Variants in KNL1 observed in about 807,000 individuals in gnomAD.
KNL1 encodes outer kinetochore KNL1 complex subunit KNL1.
In KNL1, 66 loss-of-function variants were observed where a neutral mutation model predicts 201.3. The ratio of observed to expected loss-of-function variants is 0.33; its 90% CI spans 0.27 to 0.40. The LOEUF (loss-of-function observed/expected upper bound fraction) is 0.40. KNL1 is among the 10% of genes least tolerant of loss of function. The probability of loss-of-function intolerance (pLI) is 1.00; values close to 1 mark genes in which losing one functional copy is unlikely to be tolerated. For missense variants in KNL1, 2,815 were observed against 2,690.5 expected (o/e 1.05, Z -1.02); for synonymous variants, 895 against 899.2 (o/e 1.00, Z 0.08).
chr15:40,621,404 A>T lies in KNL1; in HGVS notation c.1140A>T (p.Ala380=). 6.2e-7 allele frequency: 1 copy of T among 1,612,646 alleles called. No homozygotes were observed. Among genetic ancestry groups the T allele is most frequent in the Non-Finnish European group, 8.5e-7 (1 of 1,179,286 alleles). Residue 380 remains alanine, a synonymous_variant, in exon 10 of 26, where the codon GCA becomes GCT. Coordinates refer to ENST00000399668, the MANE Select transcript of KNL1 (RefSeq NM_144508.5). ...TTCAAGACCTTTCCATAAACTCTGC[A>T]GACAAAATACATATTACCAGAAGTC... ...TAFQDLSINS[A]DKIHITRSHI...
Position 40,623,185 on chromosome 15 carries a change from A to T in KNL1, c.2921A>T (p.Asn974Ile). 6.2e-7 allele frequency: 1 copy of T among 1,614,010 alleles called. No individual in the cohort carries two copies. Among genetic ancestry groups the T allele is most frequent in the Non-Finnish European group, 8.5e-7 (1 of 1,179,912 alleles). Reference sequence around the variant, plus strand: ...GAAAAGGAAAGAACAGACAGACCTAACTTTGAACTATCCCAAAGGAAAAGC... The same window carrying T: ...GAAAAGGAAAGAACAGACAGACCTATCTTTGAACTATCCCAAAGGAAAAGC... ...YQEKERTDRP[N>I]FELSQRKSLG... The change falls in exon 10 of 26, where the codon AAC becomes ATC. Residue 974 changes from asparagine (N) to isoleucine (I), a missense_variant. By Grantham distance (149) the Asn-to-Ile change is moderately radical (BLOSUM62 -3). This residue lies in a region of KNL1 where 2,464 missense variants were observed against 2,291.7 expected (regional missense o/e 1.08). Transcript: ENST00000399668.
chr15:40,609,274 G>A (rs1892079282), intron 5 of KNL1, among the ~76,000 whole-genome samples: 1 of 151,670 alleles, frequency 6.6e-6, no homozygotes, highest in Non-Finnish European at 1.5e-5. Flanking sequence ...AATTAGCTAG[G>A]CATGATACCC....
chr15:40,624,780 G>T lies in KNL1; in HGVS notation c.4516G>T (p.Glu1506Ter), dbSNP rs1440387879. 1 of 1,613,546 alleles carries T rather than the reference G, an allele frequency of 6.2e-7. No individual in the cohort carries two copies. The highest frequency in any genetic ancestry group is 8.5e-7 in the Non-Finnish European group (1 of 1,179,890). The change falls in exon 10 of 26, where the codon GAA becomes TAA. Residue 1506 changes from glutamate to a stop codon, truncating the protein, a stop_gained. Transcript: ENST00000399668. LOFTEE classifies it high-confidence loss of function. ...ATGGTTTGCTGCAGCCTGTAAAAAA[G>T]AACTGAAGGAAAATATTCAAACAAC... ...EEWFAAACKK[E>*]LKENIQTTNY...
chr15:40,656,994 T>C, intron 22 of KNL1, 48 bp from the exon 23 acceptor site: 1 of 809,604 alleles, frequency 1.2e-6, no homozygotes, highest in Non-Finnish European at 2.0e-6. Flanking sequence ...ATAAAATATA[T>C]GAATCATAAG....
At chr15:40,654,854 G>C (rs1350680804) in intron 21 of KNL1, 55 bp from the exon 22 acceptor site, 4 of 1,348,276 alleles carry the variant, frequency 3.0e-6, no homozygotes, top group Non-Finnish European at 3.2e-6. Context: ...GGGAGACAAA[G>C]TGAGACTCTC....
At chr15:40,638,700 C>T (rs1251009270) in intron 13 of KNL1, among the ~76,000 whole-genome samples, 1 of 152,172 alleles carries the variant, frequency 6.6e-6, no homozygotes, top group East Asian at 1.9e-4. Flanking sequence ...TCCAGGTGGG[C>T]CAGGCTTGTC....
At chr15:40,651,295 T>TAA (rs869083504) in intron 19 of KNL1, among the ~76,000 whole-genome samples, 176 bp from the exon 20 acceptor site, 6 of 22,652 alleles carry the variant, frequency 2.6e-4, no homozygotes, top group Admixed American at 5.9e-4. Flanking sequence ...AATGCTTATA[T>TAA]AAAAAAAAAA....
chr15:40,608,433 G>GAAA (rs1240921260), intron 4 of KNL1, among the ~76,000 whole-genome samples: 1 of 80,966 alleles, frequency 1.2e-5, no homozygotes. Context: ...AACCGTCTTG[G>GAAA]AAAAAAAAAA....
intron 10 of KNL1, among the ~76,000 whole-genome samples, chr15:40,627,182 A>G (rs564044091): frequency 6.6e-5 from 10 of 152,264 alleles, no homozygotes; most frequent in Non-Finnish European, 1.5e-4. Context: ...GGCGTGAGCC[A>G]CAGCGCCCAG....
At chr15:40,611,409 C>A in intron 6 of KNL1, 69 bp from the exon 7 acceptor site, 1 of 180,730 alleles carries the variant, frequency 5.5e-6, no homozygotes, top group South Asian at 1.8e-4. Flanking sequence ...GCCCAGCTGT[C>A]CTTAAGTAAT....
chr15:40,612,370 T>C (rs1892196794), intron 7 of KNL1, among the ~76,000 whole-genome samples: 1 of 150,760 alleles, frequency 6.6e-6, no homozygotes, highest in South Asian at 2.1e-4. Flanking sequence ...ACTGTGCCTG[T>C]AATCCCAGCT....
chr15:40,630,194 C>T (rs1001434360), intron 13 of KNL1, among the ~76,000 whole-genome samples: 1 of 152,162 alleles, frequency 6.6e-6, no homozygotes, highest in African/African-American at 2.4e-5. Flanking sequence ...TTGAATAATA[C>T]AATCAACGCT....
intron 7 of KNL1, among the ~76,000 whole-genome samples, chr15:40,613,407 G>C (rs1892237365): frequency 1.3e-5 from 2 of 152,092 alleles, no homozygotes; most frequent in African/African-American, 4.8e-5. Flanking sequence ...TGGCTTTGTG[G>C]TTTATTAATT....
At chr15:40,605,528 T>C (rs1891943680) in intron 3 of KNL1, among the ~76,000 whole-genome samples, 1 of 151,820 alleles carries the variant, frequency 6.6e-6, no homozygotes, top group South Asian at 2.1e-4. Flanking sequence ...CTCGGCTCAC[T>C]GTAACCTCCG....
chr15:40,638,219 G>T, intron 13 of KNL1, among the ~76,000 whole-genome samples: 1 of 118,170 alleles, frequency 8.5e-6, no homozygotes, highest in Admixed American at 1.0e-4. Flanking sequence ...AGGGAGGGAG[G>T]AAAGGAAGGG....
chr15:40,613,188 A>G (rs1892228025), intron 7 of KNL1, among the ~76,000 whole-genome samples: 2 of 152,210 alleles, frequency 1.3e-5, no homozygotes, highest in Admixed American at 1.3e-4. Context: ...TTAAGATAAA[A>G]AGCAAGACGC....
At chr15:40,644,452 A>G (rs1212928439) in intron 14 of KNL1, among the ~76,000 whole-genome samples, 1 of 152,270 alleles carries the variant, frequency 6.6e-6, no homozygotes, top group Non-Finnish European at 1.5e-5. Flanking sequence ...GGCAGGAGAC[A>G]GTGGCCTTCC....
Position 40,624,475 on chromosome 15 carries a change from T to C in KNL1, c.4211T>C (p.Leu1404Ser), listed in dbSNP as rs371045565. Residue 1404 changes from leucine (L) to serine (S), a missense_variant, in exon 10 of 26, where the codon TTA becomes TCA. Transcript: ENST00000399668. The stretch of plus-strand genomic sequence containing the variant: ...CGAAATCTATTGGCTAATCAAACTT[T>C]AGTATATAGTCAAGATCTGGGGGAG... ...DPRNLLANQT[L>S]VYSQDLGEMT... is the part of the protein sequence containing the mutation. 25 of 1,613,844 alleles carry C rather than the reference T, an allele frequency of 1.5e-5. No individual in the cohort carries two copies. Among genetic ancestry groups the C allele is most frequent in the Admixed American group, 3.3e-5 (2 of 60,028 alleles).
Position 40,650,595 on chromosome 15 carries a change from A to T in KNL1, c.6212+12A>T. 2 of 1,555,614 alleles carry T rather than the reference A, an allele frequency of 1.3e-6. No homozygotes were observed. On this transcript the variant is annotated intron_variant, in intron 19 of 25. Transcript: ENST00000399668. Reference sequence around the variant, plus strand: ...GAGGAGCTTCAAAGGTCAGCCTTCAATCCAAGTGTTAGAAAATATAATGCT... The same window carrying T: ...GAGGAGCTTCAAAGGTCAGCCTTCATTCCAAGTGTTAGAAAATATAATGCT...
Sources: allele counts gnomAD v4.1 joint callset (sites outside exome capture counted in the v4.1 genomes callset), GRCh38; gene constraint gnomAD v4.1.1; regional missense constraint gnomAD v4.1.1; transcripts MANE v1.5; gene names NCBI Gene and HGNC (gene_info 2026-07-23, HGNC 2026-07-21).